AFF2: variants seen among roughly 807,000 people sequenced by gnomAD.
AFF2 encodes the protein AF4/FMR2 family member 2.
Under a neutral mutation model 76.9 loss-of-function variants are expected in AFF2, and 14 were observed. That is an observed-to-expected ratio of 0.18 (90% CI 0.12 to 0.28). The LOEUF is 0.28. AFF2 is among the 10% of genes least tolerant of loss of function. The pLI is 1.00. For synonymous variants in AFF2, 398 were observed against 366.7 expected (o/e 1.09, Z -0.98); for missense variants, 868 against 1,001.1 (o/e 0.87, Z 1.79).
intron 7 of AFF2, among the ~76,000 whole-genome samples, chrX:148,852,099 G>A (rs907652304): frequency 9.0e-6 from 1 of 111,355 alleles, no homozygotes; most frequent in South Asian, 3.8e-4. Flanking sequence ...GGATATATGT[G>A]CCACATTTTC....
chrX:148,740,660 G>A (rs1029283502), intron 3 of AFF2, among the ~76,000 whole-genome samples: 22 of 111,714 alleles, frequency 2.0e-4, no homozygotes, highest in Non-Finnish European at 3.9e-4. Context: ...AATCAGGTGC[G>A]TATTATTGGT....
At chrX:148,691,338 C>T (rs2054649227) in intron 3 of AFF2, among the ~76,000 whole-genome samples, 1 of 112,226 alleles carries the variant, frequency 8.9e-6, no homozygotes, top group East Asian at 2.8e-4. Context: ...AATGTCAAAA[C>T]ATTTTTCCTA....
intron 7 of AFF2, among the ~76,000 whole-genome samples, chrX:148,845,060 T>C (rs2070648405): frequency 9.1e-6 from 1 of 109,871 alleles, no homozygotes; most frequent in African/African-American, 3.3e-5. Context: ...TCCTCCCTGC[T>C]TTCACTCCTG....
At chrX:148,677,301 GC>G (rs2124485038) in intron 3 of AFF2, among the ~76,000 whole-genome samples, 1 of 111,465 alleles carries the variant, frequency 9.0e-6, no homozygotes. Flanking sequence ...TTATTGTCAT[GC>G]TGTCATGATA....
At chrX:148,543,309 A>C (rs887578486) in intron 1 of AFF2, among the ~76,000 whole-genome samples, 4 of 111,928 alleles carry the variant, frequency 3.6e-5, no homozygotes, top group Non-Finnish European at 7.5e-5. Flanking sequence ...CTTATGTGCA[A>C]TGACTAAAGA....
chrX:148,980,721 T>TTC lies in AFF2; in HGVS notation c.3571-7_3571-6dup. On this transcript the variant is annotated splice_polypyrimidine_tract_variant and intron_variant, in intron 18 of 20. Transcript: ENST00000370460. ...ATAGATGTCCTTATTTCCCTTTCTC[T>TTC]TCTCTCTCTCTTTTAGCAAAATGCT... The TTC allele has an allele frequency of 8.5e-7, 1 of 1,179,085 alleles. No individual in the cohort carries two copies. Among genetic ancestry groups the TTC allele is most frequent in the Non-Finnish European group, 1.1e-6 (1 of 869,947 alleles).
chrX:148,994,410 T>C lies in AFF2; in HGVS notation c.*3078T>C, dbSNP rs2072569658. On this transcript the variant is annotated 3_prime_UTR_variant, in exon 21 of 21. Coordinates refer to ENST00000370460, the MANE Select transcript of AFF2 (RefSeq NM_002025.4). ...TCCGGGTAGAATTTAGCTGTAAGCA[T>C]GTTGTTAGCCAGCCTGTAGACTGTT... 8.9e-6 allele frequency: 1 copy of C among 112,625 alleles called. No homozygotes were observed. The highest frequency in any genetic ancestry group is 3.7e-4 in the South Asian group (1 of 2,708). 9.3% of individuals were successfully genotyped at this position (112,625 alleles called of 1,213,427 possible). A position where few individuals can be genotyped will look rare whatever the true frequency, so the allele number is the denominator to read the frequency against.
chrX:148,708,494 C>G (rs1397350644), intron 3 of AFF2, among the ~76,000 whole-genome samples: 1 of 112,002 alleles, frequency 8.9e-6, no homozygotes, highest in Non-Finnish European at 1.9e-5. Flanking sequence ...TTCTTCTAAT[C>G]TAAATGAAAA....
At chrX:148,871,291 TAGG>T (rs1557277321) in intron 7 of AFF2, among the ~76,000 whole-genome samples, 1 of 110,987 alleles carries the variant, frequency 9.0e-6, no homozygotes, top group East Asian at 2.9e-4. Context: ...AGGGCCCTGA[TAGG>T]AGCCTGGATA....
At chrX:148,697,846 G>A (rs1288566721) in intron 3 of AFF2, among the ~76,000 whole-genome samples, 1 of 111,896 alleles carries the variant, frequency 8.9e-6, no homozygotes, top group African/African-American at 3.2e-5. Context: ...CATGGAAAAT[G>A]ATTTTACTGC....
At chrX:148,725,040 T>C (rs782495777) in intron 3 of AFF2, among the ~76,000 whole-genome samples, 1 of 111,165 alleles carries the variant, frequency 9.0e-6, no homozygotes, top group Non-Finnish European at 1.9e-5. Flanking sequence ...GGTACCCAGT[T>C]TGAGTCAAGA....
At position 148,883,980 on chromosome X, in the gene AFF2, T is replaced by TACAC. The variant is rs35575810; in HGVS notation, c.1263-1886_1263-1883dup. On this transcript the variant is annotated intron_variant, in intron 7 of 20. Transcript: ENST00000370460. The stretch of plus-strand genomic sequence containing the variant: ...TAGACATTCCCTAGATGTATTGAGA[T>TACAC]ACACACACACACACACACACACACA... Among the ~76,000 whole-genome samples the TACAC allele has an allele frequency of 2.5e-3, 255 of 104,049 alleles. 1 individual carries two copies. The highest frequency in any genetic ancestry group is 7.9e-3 in the African/African-American group (228 of 28,761). 90.4% of individuals were successfully genotyped at this position (104,049 alleles called of 115,157 possible).
At chrX:148,924,959 A>G (rs1415279638) in intron 9 of AFF2, among the ~76,000 whole-genome samples, 4 of 112,705 alleles carry the variant, frequency 3.5e-5, no homozygotes, top group Non-Finnish European at 7.5e-5. Context: ...ACACTTGCAC[A>G]GACTTCTAAA....
intron 3 of AFF2, among the ~76,000 whole-genome samples, chrX:148,714,084 T>TTTATAA (rs1378947692): frequency 4.5e-5 from 5 of 112,201 alleles, no homozygotes; most frequent in African/African-American, 1.6e-4. Context: ...CCTGGAGTAC[T>TTTATAA]TCCTGCAGTG....
At chrX:148,768,875 G>A (rs2069551624) in intron 3 of AFF2, among the ~76,000 whole-genome samples, 3 of 112,242 alleles carry the variant, frequency 2.7e-5, no homozygotes, top group African/African-American at 9.7e-5. Flanking sequence ...CTGGATGGTG[G>A]CAAGTTTGTG....
intron 5 of AFF2, among the ~76,000 whole-genome samples, chrX:148,838,373 G>GTAATGATTC (rs1169862105): frequency 9.0e-6 from 1 of 111,396 alleles, no homozygotes; most frequent in East Asian, 2.8e-4. Context: ...ATCATTTACT[G>GTAATGATTC]AGAAGATACA....
intron 9 of AFF2, among the ~76,000 whole-genome samples, chrX:148,952,484 T>A (rs1557286722): frequency 1.8e-5 from 2 of 111,234 alleles, no homozygotes; most frequent in East Asian, 5.7e-4. Context: ...GCTAAACTGA[T>A]CTCCAAAGAG....
intron 1 of AFF2, among the ~76,000 whole-genome samples, chrX:148,619,448 G>T (rs1043777640): frequency 7.1e-5 from 8 of 111,978 alleles, no homozygotes; most frequent in African/African-American, 2.6e-4. Context: ...TCATTTTGCT[G>T]GATGGCTCCA....
intron 3 of AFF2, among the ~76,000 whole-genome samples, chrX:148,737,379 A>G (rs1557265182): frequency 9.0e-6 from 1 of 110,960 alleles, no homozygotes; most frequent in Admixed American, 9.6e-5. Context: ...TTTTGCAGCT[A>G]TTGTAAAAGG....
Sources: allele counts gnomAD v4.1 joint callset (sites outside exome capture counted in the v4.1 genomes callset), GRCh38; gene constraint gnomAD v4.1.1; transcripts MANE v1.5; gene names NCBI Gene and HGNC (gene_info 2026-07-23, HGNC 2026-07-21).